Variants in NFIB observed in about 807,000 individuals in gnomAD.
The protein encoded by NFIB is nuclear factor I B.
A neutral mutation model predicts 61.5 loss-of-function variants in NFIB; 11 were observed. The ratio of observed to expected loss-of-function variants is 0.18; its 90% CI spans 0.11 to 0.30. NFIB has a LOEUF of 0.30. NFIB is among the 10% of genes least tolerant of loss of function. The pLI is 1.00. For missense variants in NFIB, 471 were observed against 608.9 expected, an observed-to-expected ratio of 0.77 and a Z score of 2.38; for synonymous variants, 260 against 216.5, an observed-to-expected ratio of 1.20 and a Z score of -1.76.
chr9:14,084,165 G>C lies in NFIB; in HGVS notation c.*4144C>G, dbSNP rs1243497522. 1 of 201,250 alleles carries C rather than the reference G, an allele frequency of 5.0e-6. No individual in the cohort carries two copies. The highest frequency in any genetic ancestry group is 2.3e-5 in the African/African-American group (1 of 43,416). The allele number at this position is 201,250 out of a possible 1,614,324, so 12.5% of individuals were successfully genotyped here. A position where few individuals can be genotyped will look rare whatever the true frequency, so the allele number is the denominator to read the frequency against. ...ATTTTCTTTTTAATACATAACTTAA[G>C]AGACTGGAGAGTTTTAACTCAAGTC... is the stretch of plus-strand genomic sequence containing the variant. On this transcript the variant is annotated 3_prime_UTR_variant, in exon 11 of 11. Transcript: ENST00000380953.
intron 2 of NFIB, among the ~76,000 whole-genome samples, chr9:14,212,921 C>G (rs2131739019): frequency 6.6e-6 from 1 of 152,270 alleles, no homozygotes; most frequent in Middle Eastern, 3.4e-3. Flanking sequence ...AAATTCACTG[C>G]TTAGAGAATA....
chr9:14,232,730 C>G (rs1285566360), intron 2 of NFIB, among the ~76,000 whole-genome samples: 1 of 152,138 alleles, frequency 6.6e-6, no homozygotes, highest in Admixed American at 6.5e-5. Context: ...TTATATTTTT[C>G]TATGACTCTT....
chr9:14,347,980 C>T (rs1218452005), intron 1 of NFIB, among the ~76,000 whole-genome samples: 1 of 152,194 alleles, frequency 6.6e-6, no homozygotes, highest in Non-Finnish European at 1.5e-5. Context: ...GCTCGCGGTC[C>T]TTGGCGGGGA....
intron 3 of NFIB, among the ~76,000 whole-genome samples, chr9:14,177,106 G>C (rs1314107573): frequency 6.6e-6 from 1 of 152,162 alleles, no homozygotes; most frequent in African/African-American, 2.4e-5. Context: ...GCAGCAAAGT[G>C]ATTTGATTGT....
the NFIB span, among the ~76,000 whole-genome samples, chr9:14,412,009 C>A: frequency 6.6e-6 from 1 of 152,156 alleles, no homozygotes; most frequent in African/African-American, 2.4e-5. Context: ...ATCCTTCAGC[C>A]CCAGCCAAGC....
chr9:14,190,733 A>T lies in NFIB; in HGVS notation c.563-10953T>A, dbSNP rs1437063153. ...AAATAAAAACAAAAAAATAGCTGAC[A>T]TGATTTTCCTTTTTGTAAAAAGAGA... On this transcript the variant is annotated intron_variant, in intron 2 of 10. Coordinates refer to ENST00000380953, the MANE Select transcript of NFIB (RefSeq NM_001190737.2). 3.3e-5 allele frequency among the ~76,000 whole-genome samples: 5 copies of T among 152,228 alleles called. No individual in the cohort carries two copies. In the East Asian group the frequency reaches 7.7e-4, roughly 23 times the overall value.
At chr9:14,489,968 C>T in the NFIB span, among the ~76,000 whole-genome samples, 1 of 152,046 alleles carries the variant, frequency 6.6e-6, no homozygotes. Context: ...TCAGTGAATG[C>T]TCAAACAATG....
At chr9:14,511,461 T>G in the NFIB span, among the ~76,000 whole-genome samples, 1 of 152,178 alleles carries the variant, frequency 6.6e-6, no homozygotes, top group Admixed American at 6.5e-5. Flanking sequence ...AACTATTGAG[T>G]GCTTATTATA....
chr9:14,526,272 T>C, the NFIB span, among the ~76,000 whole-genome samples: 2 of 152,142 alleles, frequency 1.3e-5, no homozygotes, highest in African/African-American at 4.8e-5. Flanking sequence ...CATTGAGAAA[T>C]GGAAATTGTT....
At chr9:14,146,329 T>C (rs1481194060) in intron 6 of NFIB, among the ~76,000 whole-genome samples, 1 of 152,142 alleles carries the variant, frequency 6.6e-6, no homozygotes, top group Non-Finnish European at 1.5e-5. Context: ...AAAGTTTGGC[T>C]CCCTGCAACG....
Position 14,088,250 on chromosome 9 carries a change from A to C in NFIB, c.*59T>G. ...GGTTCTCCAATTATGTTCAAACCGTAATTTTGGACATTGGCCGGTAAGATG... is the reference window on the plus strand; with the variant it reads ...GGTTCTCCAATTATGTTCAAACCGTCATTTTGGACATTGGCCGGTAAGATG... On this transcript the variant is annotated 3_prime_UTR_variant, in exon 11 of 11. Transcript: ENST00000380953. 6.3e-7 allele frequency: 1 copy of C among 1,588,080 alleles called. No individual in the cohort carries two copies. The highest frequency in any genetic ancestry group is 8.6e-7 in the Non-Finnish European group (1 of 1,164,952).
upstream of NFIB, among the ~76,000 whole-genome samples, chr9:14,403,610 G>T (rs757133209): frequency 6.6e-6 from 1 of 151,684 alleles, no homozygotes; most frequent in Non-Finnish European, 1.5e-5. Flanking sequence ...CTAAATCAGG[G>T]CAAATAAACT....
intron 1 of NFIB, among the ~76,000 whole-genome samples, chr9:14,342,690 T>C (rs1420572252): frequency 6.6e-6 from 1 of 152,212 alleles, no homozygotes; most frequent in East Asian, 1.9e-4. Flanking sequence ...TGGCCAATTA[T>C]ATTCAAACCA....
chr9:14,122,462 T>C (rs1025328881), intron 7 of NFIB, among the ~76,000 whole-genome samples: 1 of 152,182 alleles, frequency 6.6e-6, no homozygotes, highest in African/African-American at 2.4e-5. Flanking sequence ...GTAATCTTCC[T>C]ACATACTGAA....
At position 14,120,735 on chromosome 9, in the gene NFIB, TC is replaced by T; in HGVS notation, c.1061-112del. On this transcript the variant is annotated intron_variant, in intron 7 of 10. Transcript: ENST00000380953. The surrounding 1 kb of genome is among the most constrained non-coding windows in gnomAD (Gnocchi z 4.4). ...CAAAACTGGTAACCATTCATTTTTG[TC>T]CCCATGATTTAACCAAGCTCTCCTA... 1 of 1,133,712 alleles carries T rather than the reference TC, an allele frequency of 8.8e-7. No individual in the cohort carries two copies. Among genetic ancestry groups the T allele is most frequent in the Non-Finnish European group, 1.2e-6 (1 of 817,008 alleles). 70.2% of individuals were successfully genotyped at this position (1,133,712 alleles called of 1,614,324 possible).
At chr9:14,233,336 A>T (rs2053400489) in intron 2 of NFIB, among the ~76,000 whole-genome samples, 1 of 151,854 alleles carries the variant, frequency 6.6e-6, no homozygotes, top group Non-Finnish European at 1.5e-5. Flanking sequence ...GATCCTAAAA[A>T]TTTTCAGGAA....
At chr9:14,384,245 C>G (rs1188369311) in intron 1 of NFIB, among the ~76,000 whole-genome samples, 1 of 152,172 alleles carries the variant, frequency 6.6e-6, no homozygotes. Context: ...AGAGCCTTCC[C>G]CACCCAAGTT....
At chr9:14,258,766 T>G (rs1043420799) in intron 2 of NFIB, among the ~76,000 whole-genome samples, 1 of 152,340 alleles carries the variant, frequency 6.6e-6, no homozygotes, top group Non-Finnish European at 1.5e-5. Flanking sequence ...AGTAAGGATG[T>G]CATTCCTTTT....
chr9:14,487,088 T>G, the NFIB span, among the ~76,000 whole-genome samples: 37 of 152,290 alleles, frequency 2.4e-4, no homozygotes, highest in Middle Eastern at 6.8e-3. Flanking sequence ...CAAGGCTTTG[T>G]CTGGATAAAA....
Sources: gnomAD v4.1 joint callset for allele counts (sites outside exome capture counted in the v4.1 genomes callset) on GRCh38, gnomAD v4.1.1 for gene constraint, Gnocchi (gnomAD v3.1) non-coding constraint, MANE v1.5 for transcripts, NCBI Gene and HGNC (gene_info 2026-07-23, HGNC 2026-07-21) for gene names.